TRPM2: variants seen among roughly 807,000 people sequenced by gnomAD.
The protein encoded by TRPM2 is transient receptor potential cation channel subfamily M member 2.
In TRPM2, 161 loss-of-function variants were observed where a neutral mutation model predicts 174.0. The observed-to-expected ratio is 0.93, with a 90% CI of 0.81 to 1.05. The LOEUF is 1.05. TRPM2 is among the 50% of genes least tolerant of loss of function. The probability of loss-of-function intolerance (pLI) is 0.00; values close to 1 mark genes in which losing one functional copy is unlikely to be tolerated. For missense variants in TRPM2, 2,057 were observed against 2,038.0 expected, an observed-to-expected ratio of 1.01 and a Z score of -0.18; for synonymous variants, 954 against 861.3, an observed-to-expected ratio of 1.11 and a Z score of -1.88.
Position 44,399,261 on chromosome 21 carries a change from T to G in TRPM2, c.2063-35T>G. On this transcript the variant is annotated intron_variant, in intron 13 of 31. Transcript: ENST00000397928. The surrounding 1 kb of genome is among the most constrained non-coding windows in gnomAD (Gnocchi z 4.6). ...TCCCCAGGGCTCAGTGATTGTGACC[T>G]GCTGCTCTGACGGGGCTCTCATATC... 1 of 1,596,022 alleles carries G rather than the reference T, an allele frequency of 6.3e-7. No individual in the cohort carries two copies. The highest frequency in any genetic ancestry group is 8.6e-7 in the Non-Finnish European group (1 of 1,169,296).
rs2048208097 is a variant in TRPM2, at chr21:44,361,507, A to G, written c.255-2607A>G. On this transcript the variant is annotated intron_variant, in intron 2 of 31. Transcript: ENST00000397928. ...GTGAGATTTTGGTAGACGTCAAATAATTGGGTCCTATTTTTTTAAATACAT... is the reference window on the plus strand; with the variant it reads ...GTGAGATTTTGGTAGACGTCAAATAGTTGGGTCCTATTTTTTTAAATACAT... 2.0e-5 allele frequency among the ~76,000 whole-genome samples: 3 copies of G among 152,238 alleles called. No individual in the cohort carries two copies. In the South Asian group the frequency reaches 6.2e-4, roughly 32 times the overall value.
chr21:44,397,844 C>A lies in TRPM2; in HGVS notation c.2030C>A (p.Ala677Glu). 1 of 1,606,798 alleles carries A rather than the reference C, an allele frequency of 6.2e-7. No homozygotes were observed. Among genetic ancestry groups the A allele is most frequent in the Non-Finnish European group, 8.5e-7 (1 of 1,176,996 alleles). ...ACGGACAGCTCGGAGGAGATGCTGG[C>A]GCTGGCGGAGGAGTATGAGCACAGA... Reference protein sequence around the residue: ...EDTDSSEEMLALAEEYEHRAI... With the variant: ...EDTDSSEEMLELAEEYEHRAI... Residue 677 changes from alanine (A) to glutamate (E), a missense_variant, in exon 13 of 32, where the codon GCG (alanine) becomes GAG (glutamate). Physicochemically the swap from Ala to Glu is moderately radical, Grantham distance 107. Transcript: ENST00000397928.
At chr21:44,440,978 G>T (rs2051481314) in intron 31 of TRPM2, 73 bp downstream of exon 31, 2 of 1,319,236 alleles carry the variant, frequency 1.5e-6, no homozygotes, top group African/African-American at 1.4e-5. Flanking sequence ...CCGGGGAGGG[G>T]GTTGGCAGGG....
intron 2 of TRPM2, among the ~76,000 whole-genome samples, chr21:44,359,371 AGT>A (rs1569011557): frequency 6.6e-6 from 1 of 152,068 alleles, no homozygotes; most frequent in Non-Finnish European, 1.5e-5. Flanking sequence ...GCAAGTCTGA[AGT>A]GCCTTGAGCG....
chr21:44,360,860 C>G (rs112196615), intron 2 of TRPM2, among the ~76,000 whole-genome samples: 5,192 of 152,196 alleles, frequency 0.034, 289 homozygotes, highest in African/African-American at 0.12. Flanking sequence ...AGCCACCGCT[C>G]TTGGCCTTAT....
Position 44,425,663 on chromosome 21 carries a change from TC to T in TRPM2, c.3638-3del. The T allele has an allele frequency of 6.7e-7, 1 of 1,503,514 alleles. No homozygotes were observed. The highest frequency in any genetic ancestry group is 9.0e-7 in the Non-Finnish European group (1 of 1,115,604). 93.1% of individuals were successfully genotyped at this position (1,503,514 alleles called of 1,614,324 possible). A position where few individuals can be genotyped will look rare whatever the true frequency, so the allele number is the denominator to read the frequency against. On this transcript the variant is annotated splice_region_variant and splice_polypyrimidine_tract_variant and intron_variant, in intron 24 of 31. Transcript: ENST00000397928. ...GCCTTGCGTCACGTCTTCCTGACTG[TC>T]CCCAGCCTCCCAGAAGGCCGCGGAG... is the stretch of plus-strand genomic sequence containing the variant.
Position 44,410,582 on chromosome 21 carries a change from G to T in TRPM2, c.2963-3309G>T, listed in dbSNP as rs1356856015. 3.7e-5 allele frequency among the ~76,000 whole-genome samples: 2 copies of T among 53,544 alleles called. 1 individual carries two copies. The highest frequency in any genetic ancestry group is 9.5e-5 in the Non-Finnish European group (2 of 21,134). 35.1% of individuals were successfully genotyped at this position (53,544 alleles called of 152,430 possible). A position where few individuals can be genotyped will look rare whatever the true frequency, so the allele number is the denominator to read the frequency against. On this transcript the variant is annotated intron_variant, in intron 19 of 31. Coordinates refer to ENST00000397928, the MANE Select transcript of TRPM2 (RefSeq NM_003307.4). ...AAGTTTTGATTGTGCTGTCTTGGTTGGCGTAGCCTTGTAGTAAGTTTTGAC... is the reference window on the plus strand; with the variant it reads ...AAGTTTTGATTGTGCTGTCTTGGTTTGCGTAGCCTTGTAGTAAGTTTTGAC...
At position 44,401,673 on chromosome 21, in the gene TRPM2, G is replaced by T. The variant is rs770559519; in HGVS notation, c.2322-8G>T. The stretch of plus-strand genomic sequence containing the variant: ...GTCACTGTCTCCTCTCTGCTGTGAC[G>T]GCCGCAGGGAGAAGAGGCTGCAGGA... On this transcript the variant is annotated splice_polypyrimidine_tract_variant and splice_region_variant and intron_variant, in intron 15 of 31. Coordinates refer to ENST00000397928, the MANE Select transcript of TRPM2 (RefSeq NM_003307.4). 1.5e-5 allele frequency: 24 copies of T among 1,611,398 alleles called. No homozygotes were observed. The highest frequency in any genetic ancestry group is 2.0e-5 in the Non-Finnish European group (24 of 1,179,804).
chr21:44,386,438 A>G (rs114945404), intron 9 of TRPM2, among the ~76,000 whole-genome samples: 3,905 of 152,256 alleles, frequency 0.026, 164 homozygotes, highest in African/African-American at 0.089. Flanking sequence ...CTGCATTTCT[A>G]TACACTAAAA....
intron 16 of TRPM2, among the ~76,000 whole-genome samples, chr21:44,404,555 C>T (rs1215588835): frequency 6.6e-6 from 1 of 152,248 alleles, no homozygotes; most frequent in Admixed American, 6.5e-5. Flanking sequence ...CCCTCACTGA[C>T]CCAGCTCTCT....
In TRPM2 at chr21:44,401,888, G is replaced by A. The variant is rs2049631857; in HGVS notation, c.2529G>A (p.Glu843=). The A allele has an allele frequency of 6.2e-7, 1 of 1,613,602 alleles. No homozygotes were observed. Among genetic ancestry groups the A allele is most frequent in the African/African-American group, 1.3e-5 (1 of 74,916 alleles). ...YLWLFSLVCE[E]MRQLFYDPDE... is the part of the protein sequence containing the mutation. ...GGCTCTTCTCCTTGGTGTGCGAGGA[G>A]ATGCGGCAGGTACAGCCCCACCCGC... Residue 843 remains glutamate, a synonymous_variant, in exon 16 of 32, where the codon GAG becomes GAA. Transcript: ENST00000397928.
chr21:44,394,528 C>T (rs1325420856), intron 11 of TRPM2, among the ~76,000 whole-genome samples: 2 of 151,654 alleles, frequency 1.3e-5, no homozygotes, highest in Non-Finnish European at 1.5e-5. Context: ...ACTGCGTTAG[C>T]CAGGATGGTC....
Position 44,371,480 on chromosome 21 carries a change from C to T in TRPM2, c.771+2137C>T, listed in dbSNP as rs970633845. ...CCCTCCAGTCTCTGCCTCCGTGTCC[C>T]GTGGCCGCCTCCCTCCAGTCTCTGC... On this transcript the variant is annotated intron_variant, in intron 5 of 31. Coordinates refer to ENST00000397928, the MANE Select transcript of TRPM2 (RefSeq NM_003307.4). Among the ~76,000 whole-genome samples the T allele has an allele frequency of 1.2e-4, 10 of 81,758 alleles. No individual in the cohort carries two copies. In the East Asian group the frequency reaches 2.5e-3, roughly 20 times the overall value. 53.6% of individuals were successfully genotyped at this position (81,758 alleles called of 152,430 possible). A position where few individuals can be genotyped will look rare whatever the true frequency, so the allele number is the denominator to read the frequency against.
At chr21:44,358,071 G>A (rs2048108264) in intron 2 of TRPM2, among the ~76,000 whole-genome samples, 2 of 152,172 alleles carry the variant, frequency 1.3e-5, no homozygotes, top group African/African-American at 2.4e-5. Flanking sequence ...TTTCCATTAA[G>A]CATGGTAGGG....
Position 44,400,404 on chromosome 21 carries a change from G to A in TRPM2, c.2321+33G>A, listed in dbSNP as rs763196490. ...AGGGCTGCGGGGCTGCGGGACTGTG[G>A]GGCTGCGGGGCTGCGGGAGAGGCTC... is the stretch of plus-strand genomic sequence containing the variant. On this transcript the variant is annotated intron_variant, in intron 15 of 31. Coordinates refer to ENST00000397928, the MANE Select transcript of TRPM2 (RefSeq NM_003307.4). 4 of 1,561,466 alleles carry A rather than the reference G, an allele frequency of 2.6e-6. No homozygotes were observed. In the South Asian group the frequency reaches 4.5e-5, roughly 18 times the overall value.
intron 2 of TRPM2, among the ~76,000 whole-genome samples, chr21:44,357,079 T>C (rs1244244854): frequency 2.0e-5 from 3 of 152,206 alleles, no homozygotes; most frequent in Admixed American, 6.5e-5. Flanking sequence ...TGCTGACCTC[T>C]TGTCTCATCC....
intron 27 of TRPM2, among the ~76,000 whole-genome samples, chr21:44,431,651 T>C (rs557251561): frequency 6.6e-6 from 1 of 152,310 alleles, no homozygotes; most frequent in East Asian, 1.9e-4. Context: ...ATTCCTTTTG[T>C]ATTTTTAGTA....
In TRPM2 at chr21:44,391,292, G is replaced by A. The variant is rs748102486; in HGVS notation, c.1461G>A (p.Thr487=). 6.2e-6 allele frequency: 10 copies of A among 1,613,796 alleles called. No homozygotes were observed. The South Asian group carries it at 6.6e-5, about 11-fold the overall frequency. ...WQWKPSDLHP[T]MTAALISNKP... ...CTCAGCCTTCAGATCTGCACCCCAC[G>A]ATGACAGCTGCACTCATCTCCAACA... The change falls in exon 11 of 32, where the codon ACG becomes ACA. Residue 487 remains threonine, a synonymous_variant. Transcript: ENST00000397928. This position sits in a 1 kb window ranked among gnomAD's most constrained non-coding sequence, Gnocchi z 5.0.
At chr21:44,385,645 G>A (rs2048998050) in intron 9 of TRPM2, among the ~76,000 whole-genome samples, 3 of 152,184 alleles carry the variant, frequency 2.0e-5, no homozygotes, top group Admixed American at 2.0e-4. Flanking sequence ...TTTTCACACT[G>A]CTATAAAGAA....
Sources: gnomAD v4.1 joint callset for allele counts (sites outside exome capture counted in the v4.1 genomes callset) on GRCh38, gnomAD v4.1.1 for gene constraint, Gnocchi (gnomAD v3.1) non-coding constraint, MANE v1.5 for transcripts, NCBI Gene and HGNC (gene_info 2026-07-23, HGNC 2026-07-21) for gene names.